The following BACE2 variants were observed in gnomAD, a reference collection of about 807,000 sequenced individuals.
BACE2 encodes beta-secretase 2.
A neutral mutation model predicts 46.2 loss-of-function variants in BACE2; 17 were observed. The observed-to-expected ratio is 0.37, with a 90% CI of 0.25 to 0.55. The LOEUF is 0.55. Ranked by LOEUF, BACE2 falls within the 20% of genes least tolerant of loss-of-function variation. The pLI is 0.82. For synonymous variants in BACE2, 277 were observed against 295.9 expected (o/e 0.94, Z 0.66); for missense variants, 595 against 698.1 (o/e 0.85, Z 1.66).
At chr21:41,269,211 C>A (rs2088411019) in intron 8 of BACE2, among the ~76,000 whole-genome samples, 1 of 152,186 alleles carries the variant, frequency 6.6e-6, no homozygotes, top group South Asian at 2.1e-4. Flanking sequence ...GCCTCGGCCT[C>A]CCAAAGTGCT....
At chr21:41,194,218 A>T (rs1977532) in intron 1 of BACE2, among the ~76,000 whole-genome samples, 9 of 151,496 alleles carry the variant, frequency 5.9e-5, no homozygotes, top group East Asian at 3.9e-4. Flanking sequence ...GAACACCATG[A>T]TTAATTAACC....
In BACE2 at chr21:41,254,900, G is replaced by A. The variant is rs367787018; in HGVS notation, c.1135-2258G>A. ...CCTACTTTTAAAACTCTGTCTGCCC[G>A]AGGGGCGCATGATGAGCTCTGGGCC... On this transcript the variant is annotated intron_variant, in intron 7 of 8. Coordinates refer to ENST00000330333, the MANE Select transcript of BACE2 (RefSeq NM_012105.5). Among the ~76,000 whole-genome samples the A allele has an allele frequency of 2.0e-4, 30 of 152,370 alleles. 2 individuals are homozygous for A. The highest frequency in any genetic ancestry group is 5.8e-4 in the East Asian group (3 of 5,192).
rs368473609 is a variant in BACE2 at position 41,226,304 on chromosome 21, C to T, written c.351C>T (p.Ala117=). The change falls in exon 2 of 9, where the codon GCC becomes GCT. Residue 117 remains alanine, a synonymous_variant. Coordinates refer to ENST00000330333, the MANE Select transcript of BACE2 (RefSeq NM_012105.5). ...ILVDTGSSNF[A]VAGTPHSYID... is the part of the protein sequence containing the mutation. ...TTGACACTGGAAGCAGTAACTTTGC[C>T]GTGGCAGGAACCCCGCACTCCTACA... 53 of 1,613,922 alleles carry T rather than the reference C, an allele frequency of 3.3e-5. No homozygotes were observed. Among genetic ancestry groups the T allele is most frequent in the Non-Finnish European group, 2.2e-5 (26 of 1,180,002 alleles).
At position 41,237,688 on chromosome 21, in the gene BACE2, T is replaced by C; in HGVS notation, c.577T>C (p.Trp193Arg). ...GAATTTCTTTTTGCCTGGGATTAAATGGAATGGAATACTTGGCCTAGCTTA... is the reference window on the plus strand; with the variant it reads ...GAATTTCTTTTTGCCTGGGATTAAACGGAATGGAATACTTGGCCTAGCTTA... ...SENFFLPGIK[W>R]NGILGLAYAT... is the part of the protein sequence containing the mutation. The change falls in exon 3 of 9, where the codon TGG becomes CGG. Residue 193 changes from tryptophan (W) to arginine (R), a missense_variant. By Grantham distance (101) the Trp-to-Arg change is moderately radical (BLOSUM62 -3). Coordinates refer to ENST00000330333, the MANE Select transcript of BACE2 (RefSeq NM_012105.5). The C allele has an allele frequency of 1.2e-6, 2 of 1,614,182 alleles. No homozygotes were observed. Among genetic ancestry groups the C allele is most frequent in the African/African-American group, 1.3e-5 (1 of 75,058 alleles).
chr21:41,210,659 C>G (rs777315331), intron 1 of BACE2, among the ~76,000 whole-genome samples: 1 of 152,214 alleles, frequency 6.6e-6, no homozygotes, highest in Non-Finnish European at 1.5e-5. Context: ...TCAGGAACCT[C>G]CTCCAGATAA....
At chr21:41,210,539 C>G (rs556517104) in intron 1 of BACE2, among the ~76,000 whole-genome samples, 2 of 152,134 alleles carry the variant, frequency 1.3e-5, no homozygotes, top group Admixed American at 1.3e-4. Context: ...AAACACTCAC[C>G]GGCCCGGAGA....
intron 7 of BACE2, among the ~76,000 whole-genome samples, chr21:41,255,793 C>G (rs1449352141): frequency 2.0e-5 from 3 of 152,176 alleles, no homozygotes; most frequent in Non-Finnish European, 4.4e-5. Context: ...GGAGTCCGCT[C>G]TACACACCAT....
chr21:41,237,092 A>G (rs938856963), intron 2 of BACE2, among the ~76,000 whole-genome samples: 3 of 152,202 alleles, frequency 2.0e-5, no homozygotes, highest in Non-Finnish European at 4.4e-5. Flanking sequence ...TGTGTTTAGG[A>G]TAGCTGCCTT....
At chr21:41,269,015 C>T (rs762221282) in intron 8 of BACE2, among the ~76,000 whole-genome samples, 2 of 151,918 alleles carry the variant, frequency 1.3e-5, no homozygotes, top group Admixed American at 6.6e-5. Context: ...ATTGCAATGG[C>T]GTGATCTCAG....
At chr21:41,169,823 A>C (rs1192592455) in intron 1 of BACE2, among the ~76,000 whole-genome samples, 1 of 152,224 alleles carries the variant, frequency 6.6e-6, no homozygotes, top group Non-Finnish European at 1.5e-5. Context: ...AGTCATGGGA[A>C]GCCACGTGAG....
intron 1 of BACE2, chr21:41,184,524 T>G (rs1039594978): frequency 6.0e-6 from 1 of 167,114 alleles, no homozygotes. Flanking sequence ...TGTTCCCTCA[T>G]TTCCATCAAC....
At chr21:41,215,007 C>G (rs544743075) in intron 1 of BACE2, among the ~76,000 whole-genome samples, 123 of 152,164 alleles carry the variant, frequency 8.1e-4, no homozygotes, top group Admixed American at 9.8e-4. Context: ...TCACTGAGGC[C>G]TGGTCACTTG....
At chr21:41,218,869 C>CTTTTT (rs60516597) in intron 1 of BACE2, among the ~76,000 whole-genome samples, 8 of 145,012 alleles carry the variant, frequency 5.5e-5, no homozygotes, top group African/African-American at 5.1e-5. Flanking sequence ...AACATCTTGA[C>CTTTTT]TTTTTTTTTT....
At chr21:41,226,861 A>T (rs1466645109) in intron 2 of BACE2, among the ~76,000 whole-genome samples, 1 of 152,210 alleles carries the variant, frequency 6.6e-6, no homozygotes, top group African/African-American at 2.4e-5. Flanking sequence ...GGTTTGCAAC[A>T]CTCATTTGGA....
At chr21:41,244,708 G>A (rs1224787787) in intron 5 of BACE2, among the ~76,000 whole-genome samples, 1 of 152,186 alleles carries the variant, frequency 6.6e-6, no homozygotes, top group Non-Finnish European at 1.5e-5. Flanking sequence ...CATAGCTTGG[G>A]CTCAGAGGCC....
At chr21:41,235,781 C>T (rs984064553) in intron 2 of BACE2, among the ~76,000 whole-genome samples, 1 of 152,226 alleles carries the variant, frequency 6.6e-6, no homozygotes, top group African/African-American at 2.4e-5. Flanking sequence ...GTTCAAGCTA[C>T]TGTGAGCCAT....
At chr21:41,274,634 TC>T (rs770039429) in intron 8 of BACE2, among the ~76,000 whole-genome samples, 15 of 152,276 alleles carry the variant, frequency 9.9e-5, no homozygotes, top group South Asian at 2.1e-4. Context: ...TCAACTTCCT[TC>T]TTGGTTTGAA....
chr21:41,218,870 T>C (rs945012841), intron 1 of BACE2, among the ~76,000 whole-genome samples: 1 of 49,206 alleles, frequency 2.0e-5, no homozygotes, highest in Non-Finnish European at 3.8e-5. Context: ...ACATCTTGAC[T>C]TTTTTTTTTT....
Position 41,221,827 on chromosome 21 carries a change from CAAAAA to C in BACE2, c.313-4419_313-4415del, listed in dbSNP as rs58502168. Among the ~76,000 whole-genome samples, 550 of 98,704 alleles carry C rather than the reference CAAAAA, an allele frequency of 5.6e-3. 1 individual carries two copies. The highest frequency in any genetic ancestry group is 0.043 in the Middle Eastern group (8 of 186). 64.8% of individuals were successfully genotyped at this position (98,704 alleles called of 152,430 possible). A position where few individuals can be genotyped will look rare whatever the true frequency, so the allele number is the denominator to read the frequency against. On this transcript the variant is annotated intron_variant, in intron 1 of 8. Coordinates refer to ENST00000330333, the MANE Select transcript of BACE2 (RefSeq NM_012105.5). The stretch of plus-strand genomic sequence containing the variant: ...TGGGTGACTGAGCGAGACTCTGTCT[CAAAAA>C]AAAAAAAAAAAAAAAAAAAGTGTCA...
Sources: gnomAD v4.1 joint callset for allele counts (sites outside exome capture counted in the v4.1 genomes callset) on GRCh38, gnomAD v4.1.1 for gene constraint, MANE v1.5 for transcripts, NCBI Gene and HGNC (gene_info 2026-07-23, HGNC 2026-07-21) for gene names.